AUTS2: variants seen among roughly 807,000 people sequenced by gnomAD.
AUTS2 encodes activator of transcription and developmental regulator AUTS2, also known as autism susceptibility gene 2 protein.
Under a neutral mutation model 112.4 loss-of-function variants are expected in AUTS2, and 17 were observed. That is an observed-to-expected ratio of 0.15 (90% CI 0.10 to 0.23). AUTS2 has a LOEUF of 0.23. AUTS2 is among the 10% of genes least tolerant of loss of function. The pLI is 1.00. For synonymous variants in AUTS2, 751 were observed against 702.7 expected (o/e 1.07, Z -1.09); for missense variants, 1,510 against 1,701.6 (o/e 0.89, Z 1.98).
At chr7:70,621,260 C>G (rs1804658631) in intron 5 of AUTS2, among the ~76,000 whole-genome samples, 1 of 152,206 alleles carries the variant, frequency 6.6e-6, no homozygotes, top group Non-Finnish European at 1.5e-5. Context: ...AGCTCCTTCT[C>G]CTGGCCTTTC....
At chr7:69,708,500 A>G (rs937740755) in intron 1 of AUTS2, among the ~76,000 whole-genome samples, 12 of 152,196 alleles carry the variant, frequency 7.9e-5, no homozygotes, top group African/African-American at 2.9e-4. Flanking sequence ...CTTCGAGGGA[A>G]GTGAGCAGTG....
intron 2 of AUTS2, among the ~76,000 whole-genome samples, chr7:70,070,877 GAAAAA>G (rs549466401): frequency 9.9e-6 from 1 of 100,916 alleles, no homozygotes; most frequent in African/African-American, 3.5e-5. Context: ...GACTCCATCT[GAAAAA>G]AAAAAAAAAA....
chr7:70,476,764 G>A (rs747777860), intron 5 of AUTS2, among the ~76,000 whole-genome samples: 2 of 152,198 alleles, frequency 1.3e-5, no homozygotes, highest in African/African-American at 2.4e-5. Flanking sequence ...GATAAAATGA[G>A]TGGGGTAATA....
At position 70,764,783 on chromosome 7, in the gene AUTS2, C is replaced by G; in HGVS notation, c.1246C>G (p.Gln416Glu). The change falls in exon 8 of 19, where the codon CAG (glutamine) becomes GAG (glutamate). Residue 416 changes from glutamine (Q) to glutamate (E), a missense_variant. Gln to Glu is a conservative substitution (Grantham distance 29, BLOSUM62 2). This residue lies in a region of AUTS2 where 535 missense variants were observed against 594.3 expected (regional missense o/e 0.90). Transcript: ENST00000342771. Reference protein sequence around the residue: ...SSRSSTPAKTQPAPPHISHHP... With the variant: ...SSRSSTPAKTEPAPPHISHHP... ...CAGAAGCAGCACTCCAGCGAAGACT[C>G]AGCCCGCCCCACCTCACATCTCCCA... is the stretch of plus-strand genomic sequence containing the variant. 1 of 819,116 alleles carries G rather than the reference C, an allele frequency of 1.2e-6. No homozygotes were observed. The highest frequency in any genetic ancestry group is 2.1e-6 in the Non-Finnish European group (1 of 477,524). 50.7% of individuals were successfully genotyped at this position (819,116 alleles called of 1,614,324 possible). A position where few individuals can be genotyped will look rare whatever the true frequency, so the allele number is the denominator to read the frequency against.
At chr7:70,404,357 A>C (rs1235866164) in intron 4 of AUTS2, among the ~76,000 whole-genome samples, 2 of 152,104 alleles carry the variant, frequency 1.3e-5, no homozygotes, top group Admixed American at 1.3e-4. Context: ...ATTCCTGTCT[A>C]TATCTCTCTG....
rs112789211 is a variant in AUTS2 at position 70,619,310 on chromosome 7, G to C, written c.691-79259G>C. 5.4e-3 allele frequency among the ~76,000 whole-genome samples: 830 copies of C among 152,310 alleles called. 10 individuals carry two copies. Among genetic ancestry groups the C allele is most frequent in the African/African-American group, 0.019 (779 of 41,576 alleles). ...TATCCTTCACGGAAAGGCAGACGGG[G>C]CGCGGGAGGATGCTGTGGACTTTAA... is the stretch of plus-strand genomic sequence containing the variant. On this transcript the variant is annotated intron_variant, in intron 5 of 18. Transcript: ENST00000342771.
intron 1 of AUTS2, among the ~76,000 whole-genome samples, chr7:69,725,851 C>T (rs595681): frequency 0.62 from 93,491 of 152,002 alleles, 29,056 homozygotes; most frequent in East Asian, 0.7. Flanking sequence ...AATGTACCTG[C>T]AGGATTTGGG....
intron 6 of AUTS2, among the ~76,000 whole-genome samples, chr7:70,723,985 C>T (rs185991027): frequency 1.3e-4 from 20 of 151,684 alleles, no homozygotes; most frequent in Admixed American, 1.0e-3. Flanking sequence ...CTCCACCTCC[C>T]GGTTCAAGCA....
chr7:70,011,097 AG>A lies in AUTS2; in HGVS notation c.523-107034del, dbSNP rs1201746755. On this transcript the variant is annotated intron_variant, in intron 2 of 18. Transcript: ENST00000342771. The stretch of plus-strand genomic sequence containing the variant: ...CTACTTATGTGTTGATCTGAAATTA[AG>A]AAAAGGGCAAGATTTCTCCCTGTGG... Among the ~76,000 whole-genome samples the A allele has an allele frequency of 2.0e-5, 3 of 152,166 alleles. No homozygotes were observed. The East Asian group carries it at 5.8e-4, about 29-fold the overall frequency.
intron 1 of AUTS2, among the ~76,000 whole-genome samples, chr7:69,772,931 A>T (rs2129300890): frequency 6.6e-6 from 1 of 152,264 alleles, no homozygotes; most frequent in East Asian, 1.9e-4. Flanking sequence ...TTACTGTAGG[A>T]TAATGCCTTA....
intron 2 of AUTS2, among the ~76,000 whole-genome samples, chr7:69,928,383 A>G (rs1174684363): frequency 6.6e-6 from 1 of 152,184 alleles, no homozygotes; most frequent in Middle Eastern, 3.4e-3. Context: ...TTCACTGCGG[A>G]CCCACCCTTT....
intron 12 of AUTS2, chr7:70,774,313 G>A (rs1327759658): frequency 2.6e-5 from 14 of 545,736 alleles, no homozygotes; most frequent in East Asian, 2.0e-4. Context: ...CCGACTTGCC[G>A]ATGGGAGAAA....
intron 5 of AUTS2, among the ~76,000 whole-genome samples, chr7:70,474,815 C>T (rs1797520432): frequency 6.6e-6 from 1 of 152,136 alleles, no homozygotes; most frequent in Non-Finnish European, 1.5e-5. Flanking sequence ...CTGTGAAGGA[C>T]CAGGAAACAG....
At chr7:70,001,911 G>A (rs1175096231) in intron 2 of AUTS2, among the ~76,000 whole-genome samples, 10 of 151,864 alleles carry the variant, frequency 6.6e-5, no homozygotes, top group South Asian at 2.1e-4. Flanking sequence ...AGGTTTCACC[G>A]TATTGGTCAG....
intron 6 of AUTS2, among the ~76,000 whole-genome samples, chr7:70,713,265 A>G (rs1412388646): frequency 6.6e-6 from 1 of 152,216 alleles, no homozygotes; most frequent in East Asian, 1.9e-4. Context: ...ATACTGGGCA[A>G]ATGTGCCGTG....
chr7:70,000,906 A>G (rs1799162491), intron 2 of AUTS2, among the ~76,000 whole-genome samples: 1 of 152,272 alleles, frequency 6.6e-6, no homozygotes, highest in South Asian at 2.1e-4. Flanking sequence ...CTGTATGCCC[A>G]TTGGCCGGGG....
chr7:70,469,317 G>A (rs918566710), intron 5 of AUTS2, among the ~76,000 whole-genome samples: 1 of 152,188 alleles, frequency 6.6e-6, no homozygotes, highest in African/African-American at 2.4e-5. Context: ...TGAGGGGGGT[G>A]CTATTATGAT....
chr7:69,831,659 G>A (rs1490824732), intron 1 of AUTS2, among the ~76,000 whole-genome samples: 2 of 150,642 alleles, frequency 1.3e-5, no homozygotes, highest in Non-Finnish European at 3.0e-5. Context: ...AACATGCTAT[G>A]CCGTTGTCTT....
intron 5 of AUTS2, among the ~76,000 whole-genome samples, chr7:70,688,932 A>G (rs1489032719): frequency 6.6e-6 from 1 of 152,278 alleles, no homozygotes; most frequent in East Asian, 1.9e-4. Context: ...TCTAAATGAC[A>G]TAATTGGGAT....
Sources: gnomAD v4.1 joint callset for allele counts (sites outside exome capture counted in the v4.1 genomes callset) on GRCh38, gnomAD v4.1.1 for gene constraint, gnomAD v4.1.1 regional missense constraint, MANE v1.5 for transcripts, NCBI Gene and HGNC (gene_info 2026-07-23, HGNC 2026-07-21) for gene names.